The following CCDC126 variants were observed in gnomAD, a reference collection of about 807,000 sequenced individuals.
CCDC126 encodes coiled-coil domain-containing protein 126.
A neutral mutation model predicts 11.7 loss-of-function variants in CCDC126; 5 were observed. The observed-to-expected ratio is 0.43, with a 90% CI of 0.22 to 0.90. CCDC126 has a LOEUF of 0.90. Among genes scored for constraint, CCDC126 ranks in the 40% least tolerant of loss-of-function variants. The pLI, the probability that CCDC126 is intolerant of heterozygous loss-of-function variation, is 0.27. For synonymous variants in CCDC126, 60 were observed against 61.9 expected (o/e 0.97, Z 0.14); for missense variants, 150 against 163.1 (o/e 0.92, Z 0.44).
intron 3 of CCDC126, among the ~76,000 whole-genome samples, chr7:23,619,818 G>A (rs184904962): frequency 2.7e-5 from 4 of 147,004 alleles, no homozygotes; most frequent in African/African-American, 1.0e-4. Context: ...ACCTATGAGT[G>A]AGAACATGCG....
At chr7:23,625,649 ATTT>A (rs34492140) in intron 3 of CCDC126, among the ~76,000 whole-genome samples, 1 of 77,142 alleles carries the variant, frequency 1.3e-5, no homozygotes, top group Non-Finnish European at 2.3e-5. Context: ...TATTTGACTG[ATTT>A]TTTTTTTTTT....
At chr7:23,606,528 C>T (rs1181048031) in intron 2 of CCDC126, among the ~76,000 whole-genome samples, 2 of 152,106 alleles carry the variant, frequency 1.3e-5, no homozygotes, top group South Asian at 2.1e-4. Flanking sequence ...ACTTGACAAG[C>T]AGCTATAGGA....
Position 23,644,349 on chromosome 7 carries a change from TG to T in CCDC126, c.*1236del, listed in dbSNP as rs1397402044. 1 of 152,496 alleles carries T rather than the reference TG, an allele frequency of 6.6e-6. No homozygotes were observed. The highest frequency in any genetic ancestry group is 1.5e-5 in the Non-Finnish European group (1 of 67,936). 9.4% of individuals were successfully genotyped at this position (152,496 alleles called of 1,614,324 possible). On this transcript the variant is annotated 3_prime_UTR_variant, in exon 4 of 4. Coordinates refer to ENST00000307471, the MANE Select transcript of CCDC126 (RefSeq NM_138771.4). ...CCTTGTAGCAAATCTAATTGCCACA[TG>T]GTGCCCTATATTTCATAGTATTTAT... is the stretch of plus-strand genomic sequence containing the variant.
chr7:23,639,564 A>G (rs1783317961), intron 3 of CCDC126, among the ~76,000 whole-genome samples: 1 of 152,206 alleles, frequency 6.6e-6, no homozygotes, highest in South Asian at 2.1e-4. Flanking sequence ...AAAGAAGTAT[A>G]TATCATGATA....
At chr7:23,635,460 C>T (rs1324763988) in intron 3 of CCDC126, among the ~76,000 whole-genome samples, 5 of 152,150 alleles carry the variant, frequency 3.3e-5, no homozygotes, top group Non-Finnish European at 5.9e-5. Context: ...TTAAAGATGT[C>T]ATCTCATGAC....
At chr7:23,632,261 A>C (rs1314892913) in intron 3 of CCDC126, among the ~76,000 whole-genome samples, 1 of 151,972 alleles carries the variant, frequency 6.6e-6, no homozygotes, top group Non-Finnish European at 1.5e-5. Flanking sequence ...TGCCTGGCTA[A>C]TTTTTGTATT....
chr7:23,620,550 T>C (rs1479474395), intron 3 of CCDC126, among the ~76,000 whole-genome samples: 1 of 151,430 alleles, frequency 6.6e-6, no homozygotes, highest in African/African-American at 2.4e-5. Flanking sequence ...CTGATGGTAG[T>C]TTCTTTTGCT....
intron 3 of CCDC126, among the ~76,000 whole-genome samples, chr7:23,617,853 A>C (rs1166899605): frequency 2.6e-5 from 4 of 152,206 alleles, no homozygotes; most frequent in African/African-American, 9.6e-5. Flanking sequence ...TCAATCTGTA[A>C]TTGAATTTGT....
In CCDC126 at chr7:23,643,329, T is replaced by C; in HGVS notation, c.*214T>C. The C allele has an allele frequency of 2.4e-6, 1 of 414,498 alleles. No individual in the cohort carries two copies. The highest frequency in any genetic ancestry group is 3.6e-5 in the East Asian group (1 of 27,744). The allele number at this position is 414,498 out of a possible 1,614,324, so 25.7% of individuals were successfully genotyped here. A position where few individuals can be genotyped will look rare whatever the true frequency, so the allele number is the denominator to read the frequency against. ...CAGGCAAGTCTGTTCAATGCTGTAC[T>C]ATGTCCTTAAAGAGAATTTGGTAAT... is the stretch of plus-strand genomic sequence containing the variant. On this transcript the variant is annotated 3_prime_UTR_variant, in exon 4 of 4. Transcript: ENST00000307471.
intron 3 of CCDC126, among the ~76,000 whole-genome samples, chr7:23,613,084 G>C (rs1207136714): frequency 6.6e-6 from 1 of 152,178 alleles, no homozygotes; most frequent in Non-Finnish European, 1.5e-5. Context: ...GCTGAGGTAG[G>C]TGGATTGCTT....
intron 3 of CCDC126, among the ~76,000 whole-genome samples, chr7:23,636,109 G>T (rs1372026204): frequency 6.6e-6 from 1 of 152,076 alleles, no homozygotes; most frequent in South Asian, 2.1e-4. Flanking sequence ...CGAGTGATCC[G>T]CCAGCCTCGG....
At chr7:23,627,743 T>C (rs931760779) in intron 3 of CCDC126, among the ~76,000 whole-genome samples, 2 of 151,708 alleles carry the variant, frequency 1.3e-5, no homozygotes, top group African/African-American at 4.8e-5. Flanking sequence ...GGACTGCAGG[T>C]GTGCACCAAA....
chr7:23,618,179 C>A (rs1025722045), intron 3 of CCDC126, among the ~76,000 whole-genome samples: 2 of 152,230 alleles, frequency 1.3e-5, no homozygotes, highest in Non-Finnish European at 2.9e-5. Flanking sequence ...ACTAGGGAAT[C>A]TCACCTGAAC....
chr7:23,604,770 G>A (rs1782593342), intron 2 of CCDC126, among the ~76,000 whole-genome samples: 1 of 152,082 alleles, frequency 6.6e-6, no homozygotes, highest in Non-Finnish European at 1.5e-5. Flanking sequence ...GCTGAGGCGG[G>A]TGGATCACAA....
At position 23,636,773 on chromosome 7, in the gene CCDC126, G is replaced by T. The variant is rs1476945839; in HGVS notation, c.239-6158G>T. 1.3e-3 allele frequency among the ~76,000 whole-genome samples: 184 copies of T among 142,448 alleles called. 2 individuals carry two copies. The highest frequency in any genetic ancestry group is 4.5e-3 in the African/African-American group (167 of 37,262). The allele number at this position is 142,448 out of a possible 152,430, so 93.5% of individuals were successfully genotyped here. ...CCACCCCGTCCGGGAGGGAGGTGGG[G>T]GGGGGGTCAGCCCCCCGCCCGGCCA... On this transcript the variant is annotated intron_variant, in intron 3 of 3. Transcript: ENST00000307471.
chr7:23,638,727 T>TAAAAAAAAAAAAAAAAAAAAAAAAAAAA (rs70954398), intron 3 of CCDC126, among the ~76,000 whole-genome samples: 1 of 89,670 alleles, frequency 1.1e-5, no homozygotes, highest in Admixed American at 1.4e-4. Context: ...AAAAAAAAAT[T>TAAAAAAAAAAAAAAAAAAAAAAAAAAAA]AAAAAAAAAA....
chr7:23,641,987 A>C (rs183301998), intron 3 of CCDC126, among the ~76,000 whole-genome samples: 1 of 152,092 alleles, frequency 6.6e-6, no homozygotes, highest in Non-Finnish European at 1.5e-5. Flanking sequence ...CTAGCTTTTT[A>C]GTTTACCAGC....
chr7:23,612,298 A>G (rs911625727), intron 3 of CCDC126, among the ~76,000 whole-genome samples: 1 of 151,288 alleles, frequency 6.6e-6, no homozygotes, highest in East Asian at 1.9e-4. Context: ...GACCGCTACT[A>G]AAAATACAAA....
intron 3 of CCDC126, among the ~76,000 whole-genome samples, chr7:23,630,903 T>C (rs1199430649): frequency 6.6e-6 from 1 of 151,952 alleles, no homozygotes; most frequent in African/African-American, 2.4e-5. Flanking sequence ...AGTTGGAAAC[T>C]GGACAACATA....
Sources: allele counts gnomAD v4.1 joint callset (sites outside exome capture counted in the v4.1 genomes callset), GRCh38; gene constraint gnomAD v4.1.1; transcripts MANE v1.5; gene names NCBI Gene and HGNC (gene_info 2026-07-23, HGNC 2026-07-21).